Variants in CLOCK observed in about 807,000 individuals in gnomAD.
CLOCK encodes the protein circadian locomoter output cycles protein kaput.
Under a neutral mutation model 118.4 loss-of-function variants are expected in CLOCK, and 43 were observed. The observed-to-expected ratio is 0.36, with a 90% CI of 0.28 to 0.47. The LOEUF is 0.47. Among genes scored for constraint, CLOCK ranks in the 20% least tolerant of loss-of-function variants. The pLI is 1.00. For missense variants in CLOCK, 846 were observed against 999.9 expected (o/e 0.85, Z 2.08); for synonymous variants, 326 against 339.2 (o/e 0.96, Z 0.43).
chr4:55,440,433 A>AT (rs1295549493), intron 21 of CLOCK, among the ~76,000 whole-genome samples: 1 of 152,206 alleles, frequency 6.6e-6, no homozygotes, highest in Non-Finnish European at 1.5e-5. Flanking sequence ...GATGAAGTTT[A>AT]TAACATTGGT....
intron 1 of CLOCK, among the ~76,000 whole-genome samples, chr4:55,518,266 T>C (rs1400474323): frequency 1.3e-5 from 2 of 152,076 alleles, no homozygotes; most frequent in African/African-American, 4.8e-5. Flanking sequence ...TACCAAGCTA[T>C]GCAGAGCCAT....
intron 11 of CLOCK, among the ~76,000 whole-genome samples, chr4:55,458,396 T>C (rs1346420004): frequency 6.6e-6 from 1 of 152,128 alleles, no homozygotes; most frequent in Non-Finnish European, 1.5e-5. Context: ...TGGCTGCCTC[T>C]TTCCAGTCAG....
Position 55,442,529 on chromosome 4 carries a change from G to T in CLOCK, c.2008C>A (p.Pro670Thr). 6.2e-7 allele frequency: 1 copy of T among 1,610,112 alleles called. No individual in the cohort carries two copies. Among genetic ancestry groups the T allele is most frequent in the Non-Finnish European group, 8.5e-7 (1 of 1,179,380 alleles). Residue 670 changes from proline (P) to threonine (T), a missense_variant, in exon 21 of 23, where the codon CCT becomes ACT. By Grantham distance (38) the Pro-to-Thr change is conservative. Transcript: ENST00000513440. ...PLYNTMVISQ[P>T]AAGSMVQIPS... Reference sequence around the variant, plus strand: ...ATCTGGACCATGCTTCCGGCTGCAGGCTGAGAAATCACCATAGTGTTATAC... The same window carrying T: ...ATCTGGACCATGCTTCCGGCTGCAGTCTGAGAAATCACCATAGTGTTATAC...
At chr4:55,512,290 G>A (rs1264140365) in intron 1 of CLOCK, among the ~76,000 whole-genome samples, 1 of 152,120 alleles carries the variant, frequency 6.6e-6, no homozygotes, top group East Asian at 1.9e-4. Context: ...AAATATGTAT[G>A]TAGTAGTATC....
At chr4:55,449,270 C>A in intron 17 of CLOCK, 126 bp downstream of exon 17, 1 of 827,278 alleles carries the variant, frequency 1.2e-6, no homozygotes, top group Non-Finnish European at 2.0e-6. Context: ...AAGTAAGTGT[C>A]ACATATCAGT....
chr4:55,524,104 C>T (rs1339451070), intron 1 of CLOCK, among the ~76,000 whole-genome samples: 1 of 151,910 alleles, frequency 6.6e-6, no homozygotes, highest in African/African-American at 2.4e-5. Flanking sequence ...AATATTCATA[C>T]CCGGCCGGGC....
At chr4:55,509,367 C>G (rs12503578) in intron 2 of CLOCK, among the ~76,000 whole-genome samples, 51,409 of 152,080 alleles carry the variant, frequency 0.34, 9,386 homozygotes, top group East Asian at 0.58. Context: ...ATAACTTTCA[C>G]GTGTCACAAG....
chr4:55,536,882 A>C (rs1730941302), intron 1 of CLOCK, among the ~76,000 whole-genome samples: 1 of 152,118 alleles, frequency 6.6e-6, no homozygotes, highest in Admixed American at 6.6e-5. Context: ...TAAACAAAAC[A>C]ATCAACAGAC....
chr4:55,525,052 A>G (rs1275415939), intron 1 of CLOCK, among the ~76,000 whole-genome samples: 1 of 152,236 alleles, frequency 6.6e-6, no homozygotes, highest in Non-Finnish European at 1.5e-5. Context: ...ATTGATGAGT[A>G]ATTTGTTATG....
chr4:55,448,591 CGCACGCGCGCGTGTGTGTGTGTGTGT>C (rs1724099065), intron 18 of CLOCK, among the ~76,000 whole-genome samples, 162 bp downstream of exon 18: 1 of 81,048 alleles, frequency 1.2e-5, no homozygotes, highest in Admixed American at 1.5e-4. Context: ...TGTGCGCGCG[CGCACGCGCGCGTGTGTGTGTGTGTGT>C]GTGTGTGTGT....
chr4:55,530,774 C>CAAA (rs60810379), intron 1 of CLOCK, among the ~76,000 whole-genome samples: 2,357 of 33,012 alleles, frequency 0.071, 325 homozygotes, highest in Admixed American at 0.22. Context: ...GACTCCATCG[C>CAAA]AAAAAAAAAA....
At chr4:55,456,512 A>T (rs1017759743) in intron 11 of CLOCK, among the ~76,000 whole-genome samples, 3 of 152,006 alleles carry the variant, frequency 2.0e-5, no homozygotes, top group African/African-American at 7.2e-5. Context: ...AAATACAAAA[A>T]ATAGCAGGGC....
At chr4:55,491,375 G>GA (rs56412547) in intron 2 of CLOCK, among the ~76,000 whole-genome samples, 45,997 of 141,764 alleles carry the variant, frequency 0.32, 7,630 homozygotes, top group East Asian at 0.61. Context: ...CAGTGAATAG[G>GA]AAAAAAAAAA....
At chr4:55,501,971 T>C (rs1728475554) in intron 2 of CLOCK, among the ~76,000 whole-genome samples, 1 of 152,188 alleles carries the variant, frequency 6.6e-6, no homozygotes, top group Admixed American at 6.5e-5. Context: ...TTATAAAACA[T>C]AACTACAATA....
rs1722693541 is a variant in CLOCK, at chr4:55,434,024, A to G, written c.*1391T>C. Reference sequence around the variant, plus strand: ...TGATAGTGTTAGGTTATCATCTTTTATTTCTAAATTATTTGTACCTCCAGT... The same window carrying G: ...TGATAGTGTTAGGTTATCATCTTTTGTTTCTAAATTATTTGTACCTCCAGT... On this transcript the variant is annotated 3_prime_UTR_variant, in exon 23 of 23. Coordinates refer to ENST00000513440, the MANE Select transcript of CLOCK (RefSeq NM_004898.4). The G allele has an allele frequency of 6.6e-6, 1 of 152,586 alleles. No individual in the cohort carries two copies. The highest frequency in any genetic ancestry group is 1.5e-5 in the Non-Finnish European group (1 of 68,028). 9.5% of individuals were successfully genotyped at this position (152,586 alleles called of 1,614,324 possible).
intron 11 of CLOCK, among the ~76,000 whole-genome samples, chr4:55,457,332 TC>T (rs1724990753): frequency 6.6e-6 from 1 of 152,230 alleles, no homozygotes; most frequent in Non-Finnish European, 1.5e-5. Flanking sequence ...CCTTTCATCA[TC>T]TAAGTGGCCA....
At chr4:55,526,497 G>A (rs970313938) in intron 1 of CLOCK, among the ~76,000 whole-genome samples, 2 of 152,130 alleles carry the variant, frequency 1.3e-5, no homozygotes, top group Non-Finnish European at 2.9e-5. Context: ...TAGAATCTAT[G>A]AACCTTTAGA....
chr4:55,442,246 A>C, intron 21 of CLOCK, 186 bp downstream of exon 21: 1 of 603,124 alleles, frequency 1.7e-6, no homozygotes, highest in Non-Finnish European at 2.9e-6. Flanking sequence ...ATTTGTTGTT[A>C]CCCTTTAATT....
At chr4:55,461,747 G>A (rs1350030471) in intron 9 of CLOCK, among the ~76,000 whole-genome samples, 1 of 152,136 alleles carries the variant, frequency 6.6e-6, no homozygotes, top group African/African-American at 2.4e-5. Flanking sequence ...GCAACCCACT[G>A]CTGCAAGTCT....
Sources: allele counts gnomAD v4.1 joint callset (sites outside exome capture counted in the v4.1 genomes callset), GRCh38; gene constraint gnomAD v4.1.1; transcripts MANE v1.5; gene names NCBI Gene and HGNC (gene_info 2026-07-23, HGNC 2026-07-21).